The following ROR1 variants were observed in gnomAD, a reference collection of about 807,000 sequenced individuals.
ROR1 encodes inactive tyrosine-protein kinase transmembrane receptor ROR1.
ROR1 carries 19 observed loss-of-function variants against 78.8 expected under a neutral mutation model. That is an observed-to-expected ratio of 0.24 (90% CI 0.17 to 0.35). The LOEUF (loss-of-function observed/expected upper bound fraction) is 0.35, where lower values mean the gene tolerates loss of function less well. Among genes scored for constraint, ROR1 ranks in the 10% least tolerant of loss-of-function variants. The pLI is 1.00. For missense variants in ROR1, 917 were observed against 1,177.8 expected (o/e 0.78, Z 3.24); for synonymous variants, 386 against 433.6 (o/e 0.89, Z 1.36).
intron 1 of ROR1, among the ~76,000 whole-genome samples, chr1:63,903,274 A>G (rs1001736207): frequency 1.3e-5 from 2 of 152,190 alleles, no homozygotes; most frequent in Non-Finnish European, 2.9e-5. Context: ...CCTTTTCTTC[A>G]TTAAATCTTC....
intron 4 of ROR1, among the ~76,000 whole-genome samples, chr1:64,089,828 C>T (rs1398773864): frequency 3.3e-5 from 5 of 152,146 alleles, no homozygotes; most frequent in East Asian, 1.9e-4. Flanking sequence ...TTGTAGCTCC[C>T]GTAATTCTCA....
chr1:64,033,836 G>T (rs1403148983), intron 2 of ROR1, among the ~76,000 whole-genome samples: 1 of 152,158 alleles, frequency 6.6e-6, no homozygotes, highest in African/African-American at 2.4e-5. Context: ...CATTTAATCC[G>T]TGTAACAGTC....
At position 63,774,690 on chromosome 1, in the gene ROR1, C is replaced by G. The variant is rs976323180; in HGVS notation, c.91+182C>G. ...GGTTTGCCCCGGAGCCCCGCCAGGCCAGGGTTTGCCCCGGAGCCCCGCGGC... is the reference window on the plus strand; with the variant it reads ...GGTTTGCCCCGGAGCCCCGCCAGGCGAGGGTTTGCCCCGGAGCCCCGCGGC... On this transcript the variant is annotated intron_variant, in intron 1 of 8. Coordinates refer to ENST00000371079, the MANE Select transcript of ROR1 (RefSeq NM_005012.4). This position sits in a 1 kb window ranked among gnomAD's most constrained non-coding sequence, Gnocchi z 5.7. Among the ~76,000 whole-genome samples the G allele has an allele frequency of 1.3e-5, 2 of 151,080 alleles. No individual in the cohort carries two copies. The highest frequency in any genetic ancestry group is 4.8e-5 in the African/African-American group (2 of 41,306).
At chr1:63,832,276 A>G (rs898458403) in intron 1 of ROR1, among the ~76,000 whole-genome samples, 2 of 152,208 alleles carry the variant, frequency 1.3e-5, no homozygotes, top group Non-Finnish European at 2.9e-5. Context: ...ATTTTCAGAT[A>G]TCTCTATAGC....
intron 1 of ROR1, among the ~76,000 whole-genome samples, chr1:63,852,797 A>G (rs1228847538): frequency 1.3e-5 from 2 of 152,192 alleles, no homozygotes; most frequent in Admixed American, 1.3e-4. Flanking sequence ...TGTATTAACC[A>G]TGGGAAACCT....
At chr1:63,835,246 C>G (rs1645012921) in intron 1 of ROR1, among the ~76,000 whole-genome samples, 1 of 152,206 alleles carries the variant, frequency 6.6e-6, no homozygotes, top group African/African-American at 2.4e-5. Flanking sequence ...AATGATGTCA[C>G]TCATCCCTTT....
At chr1:63,794,457 C>T (rs1220120766) in intron 1 of ROR1, among the ~76,000 whole-genome samples, 2 of 152,212 alleles carry the variant, frequency 1.3e-5, no homozygotes, top group East Asian at 1.9e-4. Context: ...AAACTGGCTT[C>T]CCCGGCCTCC....
At chr1:63,819,147 C>T (rs1032235839) in intron 1 of ROR1, among the ~76,000 whole-genome samples, 1 of 152,136 alleles carries the variant, frequency 6.6e-6, no homozygotes, top group Non-Finnish European at 1.5e-5. Context: ...TAGAAAGTTT[C>T]TGTGGCTTTC....
chr1:63,800,686 T>C (rs76364620), intron 1 of ROR1, among the ~76,000 whole-genome samples: 1 of 152,304 alleles, frequency 6.6e-6, no homozygotes, highest in African/African-American at 2.4e-5. Flanking sequence ...ATCTCAGATG[T>C]GCTCCAGACT....
At chr1:63,891,366 C>G (rs1326435965) in intron 1 of ROR1, among the ~76,000 whole-genome samples, 1 of 152,138 alleles carries the variant, frequency 6.6e-6, no homozygotes, top group African/African-American at 2.4e-5. Flanking sequence ...CTCCTGACTA[C>G]AGGATGGTGG....
intron 1 of ROR1, among the ~76,000 whole-genome samples, chr1:63,962,512 G>A (rs146248594): frequency 6.6e-6 from 1 of 152,310 alleles, no homozygotes; most frequent in East Asian, 1.9e-4. Flanking sequence ...GAGTGGGAGA[G>A]GGTAGGTGTC....
At position 63,819,842 on chromosome 1, in the gene ROR1, G is replaced by A. The variant is rs557552354; in HGVS notation, c.91+45334G>A. Among the ~76,000 whole-genome samples, 3 of 152,276 alleles carry A rather than the reference G, an allele frequency of 2.0e-5. No individual in the cohort carries two copies. The East Asian group carries it at 5.8e-4, about 29-fold the overall frequency. The stretch of plus-strand genomic sequence containing the variant: ...TAAGGATAAAGTTTACATAATGTAT[G>A]TAAATCTCCTAACAGTAGTTCATAG... On this transcript the variant is annotated intron_variant, in intron 1 of 8. Transcript: ENST00000371079.
chr1:63,781,169 A>G (rs1454918400), intron 1 of ROR1, among the ~76,000 whole-genome samples: 2 of 152,206 alleles, frequency 1.3e-5, no homozygotes, highest in South Asian at 2.1e-4. Context: ...AACATTTATT[A>G]TATATTTATC....
At chr1:63,928,579 G>A (rs1645726491) in intron 1 of ROR1, among the ~76,000 whole-genome samples, 1 of 152,164 alleles carries the variant, frequency 6.6e-6, no homozygotes, top group African/African-American at 2.4e-5. Context: ...GTGGTGATAA[G>A]ACTTAGCTTA....
At chr1:63,919,336 C>A (rs1645634992) in intron 1 of ROR1, among the ~76,000 whole-genome samples, 3 of 152,078 alleles carry the variant, frequency 2.0e-5, no homozygotes, top group African/African-American at 7.2e-5. Context: ...AATTTAATGG[C>A]CGCTACCGAG....
chr1:63,953,442 A>G (rs751706992), intron 1 of ROR1, among the ~76,000 whole-genome samples: 3 of 152,228 alleles, frequency 2.0e-5, no homozygotes, highest in Non-Finnish European at 2.9e-5. Context: ...TTATATTAAT[A>G]TACCGTAATA....
intron 1 of ROR1, among the ~76,000 whole-genome samples, chr1:63,818,667 A>AT (rs746970231): frequency 3.9e-5 from 6 of 152,220 alleles, no homozygotes; most frequent in Non-Finnish European, 5.9e-5. Flanking sequence ...CAAAATGGGC[A>AT]TTTTTCCCCT....
intron 1 of ROR1, among the ~76,000 whole-genome samples, chr1:63,839,259 A>G (rs978523671): frequency 4.6e-5 from 7 of 152,342 alleles, no homozygotes; most frequent in Non-Finnish European, 8.8e-5. Context: ...GAGACAGCTG[A>G]ATTGGACGGG....
chr1:64,125,633 G>A (rs1010948127), intron 4 of ROR1, among the ~76,000 whole-genome samples: 2 of 152,104 alleles, frequency 1.3e-5, no homozygotes, highest in Non-Finnish European at 2.9e-5. Flanking sequence ...GGAGCCATGA[G>A]CCTGCCTTGG....
Sources: gnomAD v4.1 joint callset for allele counts (sites outside exome capture counted in the v4.1 genomes callset) on GRCh38, gnomAD v4.1.1 for gene constraint, Gnocchi (gnomAD v3.1) non-coding constraint, MANE v1.5 for transcripts, NCBI Gene and HGNC (gene_info 2026-07-23, HGNC 2026-07-21) for gene names.